Variants in BTRC observed in about 807,000 individuals in gnomAD.
BTRC encodes the protein beta-transducin repeat containing E3 ubiquitin protein ligase, also known as F-box/WD repeat-containing protein 1A.
Under a neutral mutation model 85.5 loss-of-function variants are expected in BTRC, and 42 were observed. The ratio of observed to expected loss-of-function variants is 0.49; its 90% CI spans 0.38 to 0.64. BTRC has a LOEUF of 0.64. Ranked by LOEUF, BTRC falls within the 30% of genes least tolerant of loss-of-function variation. The pLI is 0.00. For synonymous variants in BTRC, 255 were observed against 263.3 expected, an observed-to-expected ratio of 0.97 and a Z score of 0.30; for missense variants, 594 against 743.5, an observed-to-expected ratio of 0.80 and a Z score of 2.34.
Position 101,464,992 on chromosome 10 carries a change from C to T in BTRC, c.234+2934C>T, listed in dbSNP as rs144281261. Among the ~76,000 whole-genome samples the T allele has an allele frequency of 5.9e-5, 9 of 152,234 alleles. No homozygotes were observed. The East Asian group carries it at 1.4e-3, about 23-fold the overall frequency. The stretch of plus-strand genomic sequence containing the variant: ...TCCAGGACTGCCCTGAACTTGATTA[C>T]CCCATTGCTGATTTTTTTTAAGGTA... On this transcript the variant is annotated intron_variant, in intron 3 of 14. Transcript: ENST00000370187.
intron 4 of BTRC, among the ~76,000 whole-genome samples, chr10:101,482,082 C>T (rs2134232737): frequency 6.6e-6 from 1 of 151,964 alleles, no homozygotes. Context: ...TGCGGTGGTG[C>T]CATCTTGGCT....
rs535597980 is a variant in BTRC at position 101,391,570 on chromosome 10, A to G, written c.48+37342A>G. 3.9e-5 allele frequency among the ~76,000 whole-genome samples: 6 copies of G among 152,316 alleles called. No individual in the cohort carries two copies. The East Asian group carries it at 1.2e-3, about 29-fold the overall frequency. On this transcript the variant is annotated intron_variant, in intron 1 of 14. Transcript: ENST00000370187. The stretch of plus-strand genomic sequence containing the variant: ...TCTTTGTTCATCTGATGTATGTTGG[A>G]GAGACTCTTTATAAAAATGGCAATG...
chr10:101,462,017 C>T lies in BTRC; in HGVS notation c.193C>T (p.Pro65Ser). Reference protein sequence around the residue: ...SEREDCNNGEPPRKIIPEKNS... With the variant: ...SEREDCNNGESPRKIIPEKNS... ...GAGAGAAGACTGTAATAATGGCGAA[C>T]CCCCTAGGAAGATAATACCAGAGAA... The change falls in exon 3 of 15, where the codon CCC becomes TCC. Residue 65 changes from proline to serine, a missense_variant. Physicochemically the swap from Pro to Ser is moderately conservative, Grantham distance 74. Coordinates refer to ENST00000370187, the MANE Select transcript of BTRC (RefSeq NM_033637.4). The T allele has an allele frequency of 6.2e-7, 1 of 1,612,110 alleles. No individual in the cohort carries two copies. Among genetic ancestry groups the T allele is most frequent in the Non-Finnish European group, 8.5e-7 (1 of 1,178,700 alleles).
In BTRC at chr10:101,387,528, C is replaced by CTTTTTTTTTTTTTTTTTTTTTTTTT. The variant is rs535656002; in HGVS notation, c.48+33318_48+33319insTTTTTTTTTTTTTTTTTTTTTTTTT. Among the ~76,000 whole-genome samples, 312 of 45,038 alleles carry CTTTTTTTTTTTTTTTTTTTTTTTTT rather than the reference C, an allele frequency of 6.9e-3. 92 individuals carry two copies. The highest frequency in any genetic ancestry group is 0.032 in the East Asian group (25 of 784). The allele number at this position is 45,038 out of a possible 152,430, so 29.5% of individuals were successfully genotyped here. ...TGTGGCTTTTTATACCTTCATGGGA[C>CTTTTTTTTTTTTTTTTTTTTTTTTT]TTTTTTTTTTTTTTTTTTGAGATAG... On this transcript the variant is annotated intron_variant, in intron 1 of 14. Transcript: ENST00000370187.
chr10:101,533,659 G>A (rs988757014), intron 9 of BTRC, among the ~76,000 whole-genome samples: 2 of 151,972 alleles, frequency 1.3e-5, no homozygotes, highest in East Asian at 1.9e-4. Context: ...GAATTTTGCC[G>A]TAAGCTAAAG....
chr10:101,518,676 GTTCCAGCCACACCAGGCCCTC>G lies in BTRC; in HGVS notation c.325-2960_325-2940del, dbSNP rs2062057907. Among the ~76,000 whole-genome samples the G allele has an allele frequency of 2.0e-5, 3 of 152,134 alleles. No homozygotes were observed. In the South Asian group the frequency reaches 6.2e-4, roughly 32 times the overall value. ...GCCTTAACTTTTCCTTGCTCACTCT[GTTCCAGCCACACCAGGCCCTC>G]TTGTTCCTTGAACATCCCAGGCCGA... On this transcript the variant is annotated intron_variant, in intron 4 of 14. Transcript: ENST00000370187.
chr10:101,545,599 C>G (rs934407904), intron 13 of BTRC, among the ~76,000 whole-genome samples: 22 of 152,096 alleles, frequency 1.4e-4, no homozygotes, highest in African/African-American at 5.3e-4. Context: ...CACACAGAGA[C>G]CATGTGAAGA....
At chr10:101,503,452 A>G (rs1156248772) in intron 4 of BTRC, among the ~76,000 whole-genome samples, 1 of 152,226 alleles carries the variant, frequency 6.6e-6, no homozygotes, top group Non-Finnish European at 1.5e-5. Flanking sequence ...TGAGCAAGTT[A>G]TTTTGATCAC....
intron 2 of BTRC, among the ~76,000 whole-genome samples, chr10:101,454,526 T>C (rs1001722102): frequency 1.3e-5 from 2 of 152,162 alleles, no homozygotes; most frequent in Non-Finnish European, 2.9e-5. Flanking sequence ...ATGCCTGTAA[T>C]CCCAGCACTT....
chr10:101,551,049 G>C (rs964319052), intron 14 of BTRC, 158 bp downstream of exon 14: 2 of 596,598 alleles, frequency 3.4e-6, no homozygotes, highest in Non-Finnish European at 2.8e-6. Context: ...AGCTGCCACA[G>C]TGTGGACAGT....
chr10:101,507,374 G>A (rs1946570082), intron 4 of BTRC, among the ~76,000 whole-genome samples: 1 of 152,214 alleles, frequency 6.6e-6, no homozygotes, highest in African/African-American at 2.4e-5. Flanking sequence ...AGGGGGTGAA[G>A]TTATTAAGTT....
chr10:101,521,647 T>G lies in BTRC; in HGVS notation c.333T>G (p.Leu111=). Residue 111 remains leucine (L), a synonymous_variant, in exon 5 of 15, where the codon CTT becomes CTG. Coordinates refer to ENST00000370187, the MANE Select transcript of BTRC (RefSeq NM_033637.4). ...KTENCVAKTK[L]ANGTSSMIVP... ...TTAACCCCCTTCTACAGACAAAACT[T>G]GCCAATGGCACTTCCAGTATGATTG... 1 of 1,613,518 alleles carries G rather than the reference T, an allele frequency of 6.2e-7. No individual in the cohort carries two copies. Among genetic ancestry groups the G allele is most frequent in the South Asian group, 1.1e-5 (1 of 90,874 alleles).
At chr10:101,539,634 G>T (rs938877063) in intron 13 of BTRC, among the ~76,000 whole-genome samples, 9 of 152,196 alleles carry the variant, frequency 5.9e-5, no homozygotes, top group African/African-American at 2.2e-4. Context: ...AAACATTTAT[G>T]TAGAAGTCTT....
intron 3 of BTRC, among the ~76,000 whole-genome samples, chr10:101,465,136 A>G (rs892891755): frequency 1.3e-5 from 2 of 152,008 alleles, no homozygotes; most frequent in African/African-American, 4.8e-5. Context: ...CCTGTAGTCA[A>G]CTTCTGTAGA....
chr10:101,419,365 C>T (rs1944036229), intron 1 of BTRC, among the ~76,000 whole-genome samples: 1 of 152,138 alleles, frequency 6.6e-6, no homozygotes, highest in Non-Finnish European at 1.5e-5. Flanking sequence ...CCTGGGCCTT[C>T]TGCTTTAGAA....
At chr10:101,494,797 C>T (rs985882711) in intron 4 of BTRC, among the ~76,000 whole-genome samples, 1 of 152,190 alleles carries the variant, frequency 6.6e-6, no homozygotes. Flanking sequence ...CTTTTAATAC[C>T]TGCTCAAATT....
chr10:101,440,605 C>T (rs1034430421), intron 2 of BTRC, among the ~76,000 whole-genome samples: 1 of 151,868 alleles, frequency 6.6e-6, no homozygotes, highest in African/African-American at 2.4e-5. Context: ...GTCTGTGGTC[C>T]CAGCTACTCG....
intron 1 of BTRC, among the ~76,000 whole-genome samples, chr10:101,368,281 C>T (rs1942528502): frequency 6.6e-6 from 1 of 152,150 alleles, no homozygotes; most frequent in Non-Finnish European, 1.5e-5. Context: ...CGCCCTCCAC[C>T]GTGAGTGGAA....
chr10:101,406,328 C>A (rs1283105048), intron 1 of BTRC, among the ~76,000 whole-genome samples: 1 of 151,746 alleles, frequency 6.6e-6, no homozygotes, highest in African/African-American at 2.4e-5. Context: ...AGGCGCCCGC[C>A]ACTACGCCCG....
Sources: allele counts gnomAD v4.1 joint callset (sites outside exome capture counted in the v4.1 genomes callset), GRCh38; gene constraint gnomAD v4.1.1; transcripts MANE v1.5; gene names NCBI Gene and HGNC (gene_info 2026-07-23, HGNC 2026-07-21).